Variants in F13A1 observed in about 807,000 individuals in gnomAD.
The protein encoded by F13A1 is coagulation factor XIII A chain, also known as FSF, A subunit.
In F13A1, 47 loss-of-function variants were observed where a neutral mutation model predicts 80.1. The ratio of observed to expected loss-of-function variants is 0.59; its 90% CI spans 0.46 to 0.75. The LOEUF (loss-of-function observed/expected upper bound fraction) is 0.75. F13A1 is among the 30% of genes least tolerant of loss of function. The pLI, the probability that F13A1 is intolerant of heterozygous loss-of-function variation, is 0.00. For synonymous variants in F13A1, 349 were observed against 344.9 expected (o/e 1.01, Z -0.13); for missense variants, 817 against 930.4 (o/e 0.88, Z 1.59).
chr6:6,266,013 A>G (rs1757838805), intron 4 of F13A1, among the ~76,000 whole-genome samples: 1 of 152,228 alleles, frequency 6.6e-6, no homozygotes, highest in Non-Finnish European at 1.5e-5. Context: ...AGCTCCACAA[A>G]TAACTAACTG....
Position 6,145,413 on chromosome 6 carries a change from A to G in F13A1, c.*206T>C. The stretch of plus-strand genomic sequence containing the variant: ...GCTTAGCACTCTTTGGAAGGTGGAG[A>G]GATTAAAAACTAACTTCCTTGCCGA... On this transcript the variant is annotated 3_prime_UTR_variant, in exon 15 of 15. Transcript: ENST00000264870. 1.6e-6 allele frequency: 1 copy of G among 636,196 alleles called. No homozygotes were observed. Among genetic ancestry groups the G allele is most frequent in the East Asian group, 2.8e-5 (1 of 35,508 alleles). 39.4% of individuals were successfully genotyped at this position (636,196 alleles called of 1,614,324 possible).
chr6:6,209,323 TAA>T (rs34436663), intron 8 of F13A1, among the ~76,000 whole-genome samples: 224 of 131,794 alleles, frequency 1.7e-3, no homozygotes, highest in African/African-American at 3.0e-3. Context: ...CAATAATAAT[TAA>T]AAAAAAAAAA....
In F13A1 at chr6:6,269,928, G is replaced by C. The variant is rs531087947; in HGVS notation, c.320-3119C>G. ...GGGGTTTCACCTTGTTAGCCAGGAT[G>C]GTCTTGATCTCCTGACCTCATGATC... is the stretch of plus-strand genomic sequence containing the variant. On this transcript the variant is annotated intron_variant, in intron 3 of 14. Coordinates refer to ENST00000264870, the MANE Select transcript of F13A1 (RefSeq NM_000129.4). 2.8e-3 allele frequency among the ~76,000 whole-genome samples: 425 copies of C among 152,186 alleles called. 6 individuals are homozygous for C. The highest frequency in any genetic ancestry group is 0.018 in the South Asian group (87 of 4,822).
rs139167915 is a variant in F13A1 at position 6,199,544 on chromosome 6, G to C, written c.1113-2218C>G. Among the ~76,000 whole-genome samples the C allele has an allele frequency of 7.3e-3, 1,110 of 152,074 alleles. 5 individuals carry two copies. Among genetic ancestry groups the C allele is most frequent in the Middle Eastern group, 0.041 (12 of 294 alleles). ...TTATAATTACCCCCAGTTTACAGGGGAGGAAGCTGAAACCCAGGAAGGTTA... is the reference window on the plus strand; with the variant it reads ...TTATAATTACCCCCAGTTTACAGGGCAGGAAGCTGAAACCCAGGAAGGTTA... On this transcript the variant is annotated intron_variant, in intron 8 of 14. Coordinates refer to ENST00000264870, the MANE Select transcript of F13A1 (RefSeq NM_000129.4).
At chr6:6,170,352 C>A (rs533156711) in intron 12 of F13A1, among the ~76,000 whole-genome samples, 28 of 152,016 alleles carry the variant, frequency 1.8e-4, no homozygotes, top group African/African-American at 6.8e-4. Flanking sequence ...TAGAACACTC[C>A]CTAAATCATA....
At position 6,233,894 on chromosome 6, in the gene F13A1, AACATTGCTTTATC is replaced by A. The variant is rs539640204; in HGVS notation, c.799-9047_799-9035del. 4.0e-4 allele frequency among the ~76,000 whole-genome samples: 61 copies of A among 152,284 alleles called. 1 individual carries two copies. The South Asian group carries it at 0.012, about 30-fold the overall frequency. Reference sequence around the variant, plus strand: ...TCAGAAAAAGCATTCAACAAAATCCAACATTGCTTTATCATTAAAACTCTCAGCAAAATCAGCA... The same window carrying A: ...TCAGAAAAAGCATTCAACAAAATCCAATTAAAACTCTCAGCAAAATCAGCA... On this transcript the variant is annotated intron_variant, in intron 6 of 14. Coordinates refer to ENST00000264870, the MANE Select transcript of F13A1 (RefSeq NM_000129.4).
intron 6 of F13A1, among the ~76,000 whole-genome samples, 195 bp from the exon 7 acceptor site, chr6:6,225,055 C>A (rs574655744): frequency 6.6e-6 from 1 of 152,256 alleles, no homozygotes; most frequent in South Asian, 2.1e-4. Context: ...AAGAGGAGAC[C>A]AAGTAACCAA....
intron 10 of F13A1, among the ~76,000 whole-genome samples, chr6:6,194,753 C>T (rs1203870578): frequency 6.6e-6 from 1 of 152,206 alleles, no homozygotes; most frequent in African/African-American, 2.4e-5. Context: ...GAATTCCCCC[C>T]AGTACAATGC....
At chr6:6,223,194 C>A (rs1339009614) in intron 7 of F13A1, among the ~76,000 whole-genome samples, 1 of 152,232 alleles carries the variant, frequency 6.6e-6, no homozygotes, top group African/African-American at 2.4e-5. Flanking sequence ...GGTTTACTCT[C>A]GTTGTGACTT....
intron 10 of F13A1, among the ~76,000 whole-genome samples, chr6:6,194,389 C>T (rs1013395553): frequency 3.9e-5 from 6 of 152,222 alleles, no homozygotes; most frequent in African/African-American, 1.2e-4. Flanking sequence ...ATGCTCAACT[C>T]ATCCCCCTGC....
At chr6:6,310,583 C>T (rs1031884851) in intron 2 of F13A1, among the ~76,000 whole-genome samples, 1 of 152,120 alleles carries the variant, frequency 6.6e-6, no homozygotes, top group Non-Finnish European at 1.5e-5. Context: ...GCTAGGCTGC[C>T]TGAACCCAAA....
intron 3 of F13A1, among the ~76,000 whole-genome samples, chr6:6,284,501 C>T (rs1424518913): frequency 6.6e-6 from 1 of 152,114 alleles, no homozygotes; most frequent in Non-Finnish European, 1.5e-5. Context: ...ACAAAAGGCC[C>T]CTGTCCACCC....
At chr6:6,155,127 C>T (rs565016387) in intron 13 of F13A1, among the ~76,000 whole-genome samples, 2 of 152,280 alleles carry the variant, frequency 1.3e-5, no homozygotes, top group African/African-American at 4.8e-5. Context: ...TCTAGGGGCC[C>T]ATGAACCCTA....
At chr6:6,211,601 TA>T (rs982651748) in intron 8 of F13A1, among the ~76,000 whole-genome samples, 3 of 152,250 alleles carry the variant, frequency 2.0e-5, no homozygotes, top group Non-Finnish European at 2.9e-5. Context: ...TTTTACAATA[TA>T]AAAGTCCAAC....
Position 6,318,542 on chromosome 6 carries a change from G to T in F13A1, c.123C>A (p.Asn41Lys), listed in dbSNP as rs1758720587. Residue 41 changes from asparagine to lysine, a missense_variant, in exon 2 of 15, where the codon AAC (asparagine) becomes AAA (lysine). By Grantham distance (94) the Asn-to-Lys change is moderately conservative. Transcript: ENST00000264870. ...ELQGVVPRGV[N>K]LQEFLNVTSV... is the part of the protein sequence containing the mutation. ...AGGGGGGTATGCTCATACCTTGCAG[G>T]TTGACGCCCCGGGGCACCACGCCCT... 1 of 1,613,266 alleles carries T rather than the reference G, an allele frequency of 6.2e-7. No individual in the cohort carries two copies. The highest frequency in any genetic ancestry group is 1.7e-5 in the Admixed American group (1 of 59,918).
At chr6:6,170,670 A>G (rs1433307720) in intron 12 of F13A1, among the ~76,000 whole-genome samples, 4 of 152,124 alleles carry the variant, frequency 2.6e-5, no homozygotes, top group Non-Finnish European at 4.4e-5. Flanking sequence ...GAAGGTACGG[A>G]GAGGTTTAAG....
At chr6:6,291,493 C>T (rs1758223909) in intron 3 of F13A1, among the ~76,000 whole-genome samples, 1 of 152,172 alleles carries the variant, frequency 6.6e-6, no homozygotes, top group African/African-American at 2.4e-5. Context: ...TTCCTCACAT[C>T]TCCTTGACTT....
chr6:6,190,791 G>A (rs1442164033), intron 10 of F13A1, among the ~76,000 whole-genome samples: 1 of 152,132 alleles, frequency 6.6e-6, no homozygotes, highest in East Asian at 1.9e-4. Flanking sequence ...ACCTAAGCAA[G>A]CCTGGGCAAT....
At chr6:6,265,421 A>T (rs753219322) in intron 4 of F13A1, among the ~76,000 whole-genome samples, 6 of 152,182 alleles carry the variant, frequency 3.9e-5, no homozygotes, top group Non-Finnish European at 5.9e-5. Flanking sequence ...CAACATCTGC[A>T]TCTGCCTCTG....
Sources: gnomAD v4.1 joint callset for allele counts (sites outside exome capture counted in the v4.1 genomes callset) on GRCh38, gnomAD v4.1.1 for gene constraint, MANE v1.5 for transcripts, NCBI Gene and HGNC (gene_info 2026-07-23, HGNC 2026-07-21) for gene names.